Variants in MVB12B observed in about 807,000 individuals in gnomAD.
MVB12B encodes the protein ESCRT-I complex subunit MVB12B.
A neutral mutation model predicts 41.6 loss-of-function variants in MVB12B; 16 were observed. The observed-to-expected ratio is 0.38, with a 90% CI of 0.26 to 0.58. The LOEUF is 0.58. MVB12B is among the 20% of genes least tolerant of loss of function. MVB12B has a pLI of 0.62. For synonymous variants in MVB12B, 133 were observed against 139.7 expected (o/e 0.95, Z 0.34); for missense variants, 274 against 380.2 (o/e 0.72, Z 2.32).
At chr9:126,375,955 C>A (rs1301040808) in intron 2 of MVB12B, among the ~76,000 whole-genome samples, 1 of 152,034 alleles carries the variant, frequency 6.6e-6, no homozygotes, top group African/African-American at 2.4e-5. Context: ...TCGGTTCTTT[C>A]GTTTTGGGGT....
rs546987004 is a variant in MVB12B, at chr9:126,389,857, G to A, written c.410-2209G>A. ...GATCATTTCCTAGATGTTTAGCAAT[G>A]TTTAGGGTCTGGATTCAGAACGTTG... On this transcript the variant is annotated intron_variant, in intron 4 of 9. Transcript: ENST00000361171. The surrounding 1 kb of genome is among the most constrained non-coding windows in gnomAD (Gnocchi z 4.4). Among the ~76,000 whole-genome samples the A allele has an allele frequency of 2.0e-5, 3 of 152,208 alleles. No individual in the cohort carries two copies. In the East Asian group the frequency reaches 5.8e-4, roughly 29 times the overall value.
chr9:126,334,905 A>G (rs1829232409), intron 1 of MVB12B, among the ~76,000 whole-genome samples: 1 of 152,304 alleles, frequency 6.6e-6, no homozygotes. Context: ...CCTGGAACCT[A>G]CCATTGCACC....
rs1831098248 is a variant in MVB12B, at chr9:126,395,855, T to A, written c.662+158T>A. The A allele has an allele frequency of 7.0e-7, 1 of 1,434,588 alleles. No homozygotes were observed. Among genetic ancestry groups the A allele is most frequent in the Admixed American group, 3.0e-5 (1 of 33,578 alleles). The allele number at this position is 1,434,588 out of a possible 1,614,324, so 88.9% of individuals were successfully genotyped here. On this transcript the variant is annotated intron_variant, in intron 6 of 9. Coordinates refer to ENST00000361171, the MANE Select transcript of MVB12B (RefSeq NM_033446.3). The surrounding 1 kb of genome is among the most constrained non-coding windows in gnomAD (Gnocchi z 4.9). ...TTAGAGGAGATTTTTAAAAATCCAC[T>A]TGGAAATCTTTGCATTACATGAATG...
intron 7 of MVB12B, among the ~76,000 whole-genome samples, chr9:126,452,179 A>G (rs1239706006): frequency 1.3e-5 from 2 of 152,254 alleles, no homozygotes; most frequent in South Asian, 2.1e-4. Context: ...GCTCACGTGC[A>G]GGCACGCGCA....
At chr9:126,426,218 G>A (rs1035586165) in intron 7 of MVB12B, among the ~76,000 whole-genome samples, 1 of 152,156 alleles carries the variant, frequency 6.6e-6, no homozygotes, top group Non-Finnish European at 1.5e-5. Flanking sequence ...CCAACCCCTG[G>A]TTAGGGTCAT....
At chr9:126,500,463 C>T (rs1219702675) in intron 9 of MVB12B, among the ~76,000 whole-genome samples, 6 of 151,976 alleles carry the variant, frequency 3.9e-5, no homozygotes, top group Non-Finnish European at 8.8e-5. Flanking sequence ...CCATCCATGT[C>T]CACACCCATT....
chr9:126,340,670 T>G lies in MVB12B; in HGVS notation c.204+40T>G. The G allele has an allele frequency of 6.2e-7, 1 of 1,605,994 alleles. No individual in the cohort carries two copies. Among genetic ancestry groups the G allele is most frequent in the Non-Finnish European group, 8.5e-7 (1 of 1,173,858 alleles). On this transcript the variant is annotated intron_variant, in intron 2 of 9. Coordinates refer to ENST00000361171, the MANE Select transcript of MVB12B (RefSeq NM_033446.3). The surrounding 1 kb of genome is among the most constrained non-coding windows in gnomAD (Gnocchi z 4.0). Reference sequence around the variant, plus strand: ...TAGTTTGTACATTTTGCTCACTGATTCTACAAGTATTTATCTCCTGTGTCC... The same window carrying G: ...TAGTTTGTACATTTTGCTCACTGATGCTACAAGTATTTATCTCCTGTGTCC...
At position 126,473,491 on chromosome 9, in the gene MVB12B, A is replaced by G. The variant is rs1025483513; in HGVS notation, c.758-7878A>G. On this transcript the variant is annotated intron_variant, in intron 7 of 9. Coordinates refer to ENST00000361171, the MANE Select transcript of MVB12B (RefSeq NM_033446.3). This position sits in a 1 kb window ranked among gnomAD's most constrained non-coding sequence, Gnocchi z 4.0. The stretch of plus-strand genomic sequence containing the variant: ...TGGTTCTGCAGGCTGTACAGGAAGC[A>G]TGGCAGCATCTGCTTCTGGGGAGCC... Among the ~76,000 whole-genome samples the G allele has an allele frequency of 4.6e-5, 7 of 152,240 alleles. No homozygotes were observed. Among genetic ancestry groups the G allele is most frequent in the African/African-American group, 1.4e-4 (6 of 41,458 alleles).
At chr9:126,470,658 G>GTT (rs1833293383) in intron 7 of MVB12B, among the ~76,000 whole-genome samples, 1 of 139,266 alleles carries the variant, frequency 7.2e-6, no homozygotes, top group Non-Finnish European at 1.6e-5. Flanking sequence ...GTGTGTGTGT[G>GTT]TGTGTGTGTG....
chr9:126,402,682 G>A (rs1249447863), intron 6 of MVB12B, among the ~76,000 whole-genome samples: 2 of 152,174 alleles, frequency 1.3e-5, no homozygotes, highest in Non-Finnish European at 2.9e-5. Context: ...GAGGGCTTGG[G>A]CCCTGGTTTT....
intron 7 of MVB12B, 160 bp from the exon 8 acceptor site, chr9:126,481,209 G>A (rs1467818320): frequency 4.4e-6 from 3 of 689,014 alleles, no homozygotes; most frequent in Non-Finnish European, 7.6e-6. Flanking sequence ...GCAGGGGTGG[G>A]ACCTGTCCTC....
At chr9:126,366,073 C>T (rs1001015483) in intron 2 of MVB12B, among the ~76,000 whole-genome samples, 3 of 152,086 alleles carry the variant, frequency 2.0e-5, no homozygotes, top group Non-Finnish European at 4.4e-5. Flanking sequence ...ATCTCTTCCC[C>T]TCCTCTGTGT....
At chr9:126,355,469 AT>A (rs1829855957) in intron 2 of MVB12B, among the ~76,000 whole-genome samples, 1 of 152,258 alleles carries the variant, frequency 6.6e-6, no homozygotes, top group South Asian at 2.1e-4. Flanking sequence ...ACAGCAAATC[AT>A]GCCCTTAACA....
In MVB12B at chr9:126,436,908, T is replaced by C. The variant is rs533473493; in HGVS notation, c.757+14960T>C. 2.3e-4 allele frequency among the ~76,000 whole-genome samples: 35 copies of C among 152,358 alleles called. No homozygotes were observed. Among genetic ancestry groups the C allele is most frequent in the African/African-American group, 6.5e-4 (27 of 41,576 alleles). On this transcript the variant is annotated intron_variant, in intron 7 of 9. Transcript: ENST00000361171. This position sits in a 1 kb window ranked among gnomAD's most constrained non-coding sequence, Gnocchi z 4.1. ...TTAATTTACTCATTAAAAGAATTTATTTTAGGTGGACCAATTAAAACTTTG... is the reference window on the plus strand; with the variant it reads ...TTAATTTACTCATTAAAAGAATTTACTTTAGGTGGACCAATTAAAACTTTG...
intron 2 of MVB12B, among the ~76,000 whole-genome samples, chr9:126,354,792 T>A (rs923451399): frequency 2.6e-5 from 4 of 152,200 alleles, no homozygotes; most frequent in Non-Finnish European, 5.9e-5. Context: ...TAGGAATTAT[T>A]TGCATTATTT....
intron 2 of MVB12B, among the ~76,000 whole-genome samples, chr9:126,363,695 T>C (rs2118900065): frequency 6.6e-6 from 1 of 152,346 alleles, no homozygotes; most frequent in Non-Finnish European, 1.5e-5. Flanking sequence ...ATGTAATGAA[T>C]GGACTTCACT....
rs1411103867 is a variant in MVB12B, at chr9:126,340,367, G to A, written c.82-141G>A. 9.9e-6 allele frequency: 8 copies of A among 806,290 alleles called. No homozygotes were observed. In the African/African-American group the frequency reaches 1.2e-4, roughly 12 times the overall value. 49.9% of individuals were successfully genotyped at this position (806,290 alleles called of 1,614,324 possible). A position where few individuals can be genotyped will look rare whatever the true frequency, so the allele number is the denominator to read the frequency against. On this transcript the variant is annotated intron_variant, in intron 1 of 9. Coordinates refer to ENST00000361171, the MANE Select transcript of MVB12B (RefSeq NM_033446.3). This position sits in a 1 kb window ranked among gnomAD's most constrained non-coding sequence, Gnocchi z 4.0. ...CTTGACCTGGGGAAAGGGTCACATA[G>A]GGTCAGGACTCATTCAACCAGTACA... is the stretch of plus-strand genomic sequence containing the variant.
At chr9:126,404,638 G>A (rs114355063) in intron 6 of MVB12B, among the ~76,000 whole-genome samples, 1,612 of 152,318 alleles carry the variant, frequency 0.011, 33 homozygotes, top group African/African-American at 0.037. Flanking sequence ...GTCAGAAACC[G>A]CCTAAGCGGT....
At chr9:126,379,747 T>C (rs1408993228) in intron 2 of MVB12B, among the ~76,000 whole-genome samples, 1 of 152,200 alleles carries the variant, frequency 6.6e-6, no homozygotes, top group Non-Finnish European at 1.5e-5. Flanking sequence ...GTGGCCGTGG[T>C]GGGCTCCAGG....
Sources: allele counts gnomAD v4.1 joint callset (sites outside exome capture counted in the v4.1 genomes callset), GRCh38; gene constraint gnomAD v4.1.1; non-coding constraint Gnocchi (gnomAD v3.1); transcripts MANE v1.5; gene names NCBI Gene and HGNC (gene_info 2026-07-23, HGNC 2026-07-21).